The following PPP1R16B variants were observed in gnomAD, a reference collection of about 807,000 sequenced individuals.
PPP1R16B encodes the protein protein phosphatase 1 regulatory subunit 16B.
In PPP1R16B, 14 loss-of-function variants were observed where a neutral mutation model predicts 61.7. That is an observed-to-expected ratio of 0.23 (90% CI 0.15 to 0.35). The LOEUF (loss-of-function observed/expected upper bound fraction) is 0.35, where lower values mean the gene tolerates loss of function less well. Among genes scored for constraint, PPP1R16B ranks in the 10% least tolerant of loss-of-function variants. The probability of loss-of-function intolerance (pLI) is 1.00; values close to 1 mark genes in which losing one functional copy is unlikely to be tolerated. For synonymous variants in PPP1R16B, 266 were observed against 305.3 expected (o/e 0.87, Z 1.34); for missense variants, 547 against 752.5 (o/e 0.73, Z 3.19).
At chr20:38,834,806 T>C (rs1257958708) in intron 1 of PPP1R16B, among the ~76,000 whole-genome samples, 1 of 152,076 alleles carries the variant, frequency 6.6e-6, no homozygotes, top group Non-Finnish European at 1.5e-5. Context: ...ATATTTTTAT[T>C]AGACTGTTAT....
intron 1 of PPP1R16B, among the ~76,000 whole-genome samples, chr20:38,816,921 G>A (rs1263649483): frequency 6.6e-6 from 1 of 152,234 alleles, no homozygotes; most frequent in East Asian, 1.9e-4. Context: ...AGTCTGTTTT[G>A]CCCAGTTTGA....
At chr20:38,890,633 C>T (rs1357183703) in intron 3 of PPP1R16B, among the ~76,000 whole-genome samples, 2 of 152,256 alleles carry the variant, frequency 1.3e-5, no homozygotes, top group East Asian at 1.9e-4. Context: ...CCTACTCAGA[C>T]GCTGAGCTGC....
intron 2 of PPP1R16B, among the ~76,000 whole-genome samples, chr20:38,840,832 C>T (rs190252918): frequency 4.3e-4 from 66 of 152,286 alleles, no homozygotes; most frequent in African/African-American, 1.2e-3. Flanking sequence ...ATCTCCCCAT[C>T]GGTAAAAATG....
intron 1 of PPP1R16B, among the ~76,000 whole-genome samples, chr20:38,808,667 A>C (rs2084678129): frequency 6.6e-6 from 1 of 152,226 alleles, no homozygotes; most frequent in Non-Finnish European, 1.5e-5. Context: ...TCTCATTTGT[A>C]AAATAGGTAT....
intron 1 of PPP1R16B, among the ~76,000 whole-genome samples, chr20:38,811,780 C>A (rs1354212419): frequency 1.3e-5 from 2 of 152,156 alleles, no homozygotes; most frequent in Non-Finnish European, 2.9e-5. Context: ...TGAGTAGACA[C>A]CAGGGGTGCT....
chr20:38,911,519 T>A (rs1306469932), intron 10 of PPP1R16B, among the ~76,000 whole-genome samples: 5 of 151,726 alleles, frequency 3.3e-5, no homozygotes, highest in Non-Finnish European at 7.4e-5. Context: ...TATTAAAATT[T>A]ACATATCCAT....
intron 2 of PPP1R16B, among the ~76,000 whole-genome samples, chr20:38,856,000 C>T: frequency 1.3e-5 from 1 of 74,522 alleles, no homozygotes; most frequent in Non-Finnish European, 2.6e-5. Flanking sequence ...GGAGAGAGAC[C>T]AGGACAGACT....
rs35482457 is a variant in PPP1R16B, at chr20:38,914,182, C to CA, written c.1195-3960dup. Among the ~76,000 whole-genome samples the CA allele has an allele frequency of 3.5e-3, 447 of 128,912 alleles. 4 individuals are homozygous for CA. Among genetic ancestry groups the CA allele is most frequent in the South Asian group, 0.02 (77 of 3,932 alleles). The allele number at this position is 128,912 out of a possible 152,430, so 84.6% of individuals were successfully genotyped here. ...TGGGCAACAGAGTGAGACTCTATCT[C>CA]AAAAAAAAAAAAAAATCATTTAGCA... On this transcript the variant is annotated intron_variant, in intron 10 of 10. Coordinates refer to ENST00000299824, the MANE Select transcript of PPP1R16B (RefSeq NM_015568.4).
intron 3 of PPP1R16B, among the ~76,000 whole-genome samples, chr20:38,893,957 C>T (rs1008559312): frequency 3.3e-5 from 5 of 152,198 alleles, no homozygotes; most frequent in African/African-American, 9.7e-5. Flanking sequence ...CCTTCCACCG[C>T]AGCCTCGCTT....
At chr20:38,837,745 G>A (rs1601246556) in intron 2 of PPP1R16B, among the ~76,000 whole-genome samples, 1 of 151,774 alleles carries the variant, frequency 6.6e-6, no homozygotes, top group South Asian at 2.1e-4. Context: ...ATGGGATTTC[G>A]CCATGTTGGC....
intron 3 of PPP1R16B, among the ~76,000 whole-genome samples, chr20:38,891,616 A>G (rs1463614036): frequency 2.0e-5 from 3 of 152,188 alleles, no homozygotes; most frequent in Admixed American, 6.5e-5. Context: ...CCTGGCCAAC[A>G]TGGCAAAACC....
chr20:38,895,507 C>A, intron 3 of PPP1R16B, 58 bp from the exon 4 acceptor site: 1 of 1,564,614 alleles, frequency 6.4e-7, no homozygotes, highest in Non-Finnish European at 8.8e-7. Flanking sequence ...GTGTCCTGAC[C>A]AGGGCCCGGG....
chr20:38,889,625 C>T lies in PPP1R16B; in HGVS notation c.281C>T (p.Pro94Leu). 1 of 1,600,330 alleles carries T rather than the reference C, an allele frequency of 6.2e-7. No individual in the cohort carries two copies. Reference sequence around the variant, plus strand: ...TACTTCCTGAAGAATAAGGTCAGCCCTGATTTGTGCAATGAGGACGGACTC... The same window carrying T: ...TACTTCCTGAAGAATAAGGTCAGCCTTGATTTGTGCAATGAGGACGGACTC... ...VRYFLKNKVS[P>L]DLCNEDGLTA... Residue 94 changes from proline to leucine, a missense_variant, in exon 3 of 11, where the codon CCT (proline) becomes CTT (leucine). Physicochemically the swap from Pro to Leu is moderately conservative, Grantham distance 98 (BLOSUM62 -3). Transcript: ENST00000299824.
chr20:38,915,091 T>G (rs73621977), intron 10 of PPP1R16B, among the ~76,000 whole-genome samples: 22,465 of 152,190 alleles, frequency 0.15, 1,850 homozygotes, highest in East Asian at 0.37. Context: ...TTTCCCCTGT[T>G]ATTAACAACT....
intron 10 of PPP1R16B, among the ~76,000 whole-genome samples, chr20:38,909,617 T>G (rs1288824493): frequency 6.6e-6 from 1 of 152,204 alleles, no homozygotes; most frequent in South Asian, 2.1e-4. Context: ...CACGAACAGA[T>G]GAAAACATGC....
chr20:38,891,801 CAA>C (rs113283080), intron 3 of PPP1R16B, among the ~76,000 whole-genome samples: 12 of 104,338 alleles, frequency 1.2e-4, no homozygotes, highest in Admixed American at 1.0e-4. Context: ...GACTCTGTCT[CAA>C]AAAAAAAAAA....
At chr20:38,903,332 C>T (rs142912939) in intron 6 of PPP1R16B, among the ~76,000 whole-genome samples, 5 of 152,228 alleles carry the variant, frequency 3.3e-5, no homozygotes, top group African/African-American at 1.2e-4. Flanking sequence ...GGACTGGTGT[C>T]ACCATTCACC....
At chr20:38,835,240 G>T (rs370428803) in intron 1 of PPP1R16B, among the ~76,000 whole-genome samples, 11 of 152,316 alleles carry the variant, frequency 7.2e-5, no homozygotes, top group African/African-American at 1.7e-4. Flanking sequence ...AACAAAAGAG[G>T]CTTGAGCAGA....
At chr20:38,865,487 T>TA (rs2085084322) in intron 2 of PPP1R16B, among the ~76,000 whole-genome samples, 1 of 152,072 alleles carries the variant, frequency 6.6e-6, no homozygotes, top group Non-Finnish European at 1.5e-5. Context: ...AAATGGGGTT[T>TA]CACCGTGTTA....
Sources: allele counts gnomAD v4.1 joint callset (sites outside exome capture counted in the v4.1 genomes callset), GRCh38; gene constraint gnomAD v4.1.1; transcripts MANE v1.5; gene names NCBI Gene and HGNC (gene_info 2026-07-23, HGNC 2026-07-21).